The following ZFPM2 variants were observed in gnomAD, a reference collection of about 807,000 sequenced individuals.
The protein encoded by ZFPM2 is zinc finger protein, FOG family member 2, also known as zinc finger protein ZFPM2.
ZFPM2 carries 20 observed loss-of-function variants against 98.6 expected under a neutral mutation model. That is an observed-to-expected ratio of 0.20 (90% CI 0.14 to 0.29). The LOEUF (loss-of-function observed/expected upper bound fraction) is 0.29, where lower values mean the gene tolerates loss of function less well. ZFPM2 is among the 10% of genes least tolerant of loss of function. The probability of loss-of-function intolerance (pLI) is 1.00; values close to 1 mark genes in which losing one functional copy is unlikely to be tolerated. For missense variants in ZFPM2, 1,310 were observed against 1,388.6 expected (o/e 0.94, Z 0.90); for synonymous variants, 518 against 502.7 (o/e 1.03, Z -0.41).
At chr8:105,422,725 G>T (rs945433228) in intron 2 of ZFPM2, among the ~76,000 whole-genome samples, 3 of 152,054 alleles carry the variant, frequency 2.0e-5, no homozygotes, top group African/African-American at 2.4e-5. Flanking sequence ...TGGCTAGAAG[G>T]TCTAAGTTCT....
intron 2 of ZFPM2, among the ~76,000 whole-genome samples, chr8:105,441,722 A>G (rs1812255565): frequency 6.6e-6 from 1 of 152,072 alleles, no homozygotes; most frequent in South Asian, 2.1e-4. Flanking sequence ...ACATGTATGT[A>G]GGGGTGATAT....
chr8:105,509,211 GT>G (rs927503621), intron 3 of ZFPM2, among the ~76,000 whole-genome samples: 6 of 152,210 alleles, frequency 3.9e-5, no homozygotes, highest in African/African-American at 1.4e-4. Context: ...CAGGAAAACA[GT>G]AGTTTGCATT....
intron 5 of ZFPM2, among the ~76,000 whole-genome samples, chr8:105,683,470 CTA>C (rs1810659234): frequency 6.6e-6 from 1 of 152,124 alleles, no homozygotes; most frequent in African/African-American, 2.4e-5. Context: ...CAATGGATGA[CTA>C]CAAGCCTATT....
At chr8:105,568,855 A>T (rs180795244) in intron 4 of ZFPM2, among the ~76,000 whole-genome samples, 1 of 151,838 alleles carries the variant, frequency 6.6e-6, no homozygotes. Context: ...CCCAGTTCTG[A>T]CCCCTTTTCC....
At chr8:105,389,201 A>T (rs1376793218) in intron 1 of ZFPM2, among the ~76,000 whole-genome samples, 1 of 152,170 alleles carries the variant, frequency 6.6e-6, no homozygotes, top group Non-Finnish European at 1.5e-5. Context: ...GGACACTCAG[A>T]CATGTCTAGT....
intron 5 of ZFPM2, among the ~76,000 whole-genome samples, chr8:105,685,214 T>C (rs1260587752): frequency 6.6e-6 from 1 of 152,116 alleles, no homozygotes; most frequent in Non-Finnish European, 1.5e-5. Flanking sequence ...ATTTGACATG[T>C]GGTCAATCAG....
intron 5 of ZFPM2, among the ~76,000 whole-genome samples, chr8:105,689,656 G>C (rs889883631): frequency 1.1e-4 from 16 of 152,192 alleles, no homozygotes; most frequent in African/African-American, 3.6e-4. Flanking sequence ...ATGTTGGATG[G>C]TGATGCAGTG....
At position 105,801,135 on chromosome 8, in the gene ZFPM2, C is replaced by T. The variant is rs929954130; in HGVS notation, c.1053C>T (p.His351=). 6.2e-7 allele frequency: 1 copy of T among 1,613,834 alleles called. No individual in the cohort carries two copies. Among genetic ancestry groups the T allele is most frequent in the Non-Finnish European group, 8.5e-7 (1 of 1,179,864 alleles). The change falls in exon 8 of 8, where the codon CAC becomes CAT. Residue 351 remains histidine, a synonymous_variant. Transcript: ENST00000407775. ...SYTADSVINF[H]QHLFSHLTQA... ...CTGCTGATTCCGTGATCAACTTTCA[C>T]CAACACCTGTTCTCCCATCTCACTC...
chr8:105,610,722 G>T (rs547940879), intron 4 of ZFPM2, among the ~76,000 whole-genome samples: 7 of 152,018 alleles, frequency 4.6e-5, no homozygotes, highest in Admixed American at 4.6e-4. Context: ...ACACTAAAAC[G>T]TTGAAGTCCG....
At chr8:105,407,698 C>A (rs905727989) in intron 1 of ZFPM2, among the ~76,000 whole-genome samples, 4 of 151,850 alleles carry the variant, frequency 2.6e-5, no homozygotes, top group African/African-American at 9.7e-5. Flanking sequence ...CTGATGAGAA[C>A]CTTTCTGGGT....
intron 1 of ZFPM2, among the ~76,000 whole-genome samples, chr8:105,327,671 G>T (rs1322276487): frequency 6.6e-6 from 1 of 151,598 alleles, no homozygotes; most frequent in East Asian, 1.9e-4. Flanking sequence ...TTTTCCCTTT[G>T]CATGCTACAT....
intron 1 of ZFPM2, among the ~76,000 whole-genome samples, chr8:105,405,784 G>A (rs949111301): frequency 1.3e-5 from 2 of 151,914 alleles, no homozygotes; most frequent in East Asian, 1.9e-4. Flanking sequence ...TAATCCTTTG[G>A]GTATATACCC....
chr8:105,674,739 G>A (rs1817657364), intron 5 of ZFPM2, among the ~76,000 whole-genome samples: 1 of 152,120 alleles, frequency 6.6e-6, no homozygotes, highest in African/African-American at 2.4e-5. Flanking sequence ...AGTTTGTCAA[G>A]AAGAGGATAT....
chr8:105,567,909 C>T (rs11995947), intron 4 of ZFPM2, among the ~76,000 whole-genome samples: 9,807 of 152,058 alleles, frequency 0.064, 619 homozygotes, highest in African/African-American at 0.16. Flanking sequence ...TTTTGTTGAG[C>T]CTCAGATTTC....
At chr8:105,729,795 A>G (rs879924501) in intron 5 of ZFPM2, among the ~76,000 whole-genome samples, 2 of 151,570 alleles carry the variant, frequency 1.3e-5, no homozygotes, top group Non-Finnish European at 3.0e-5. Context: ...TCAAAGTACA[A>G]CTTGGGTTTC....
chr8:105,385,869 T>C (rs1810978533), intron 1 of ZFPM2, among the ~76,000 whole-genome samples: 1 of 152,076 alleles, frequency 6.6e-6, no homozygotes. Flanking sequence ...TGTTGGCACA[T>C]AGGGAAGAAT....
chr8:105,353,947 A>G (rs1184203106), intron 1 of ZFPM2, among the ~76,000 whole-genome samples: 6 of 152,222 alleles, frequency 3.9e-5, no homozygotes, highest in Admixed American at 3.9e-4. Flanking sequence ...CAGGTATCAT[A>G]AAGAGTTGGA....
intron 3 of ZFPM2, among the ~76,000 whole-genome samples, chr8:105,488,129 A>C (rs1381460600): frequency 6.6e-6 from 1 of 152,150 alleles, no homozygotes; most frequent in African/African-American, 2.4e-5. Flanking sequence ...CATCATAATC[A>C]ATCGAAGTTC....
At chr8:105,706,265 A>G (rs1343282455) in intron 5 of ZFPM2, among the ~76,000 whole-genome samples, 1 of 152,220 alleles carries the variant, frequency 6.6e-6, no homozygotes, top group African/African-American at 2.4e-5. Flanking sequence ...TAAGTCCCTG[A>G]ACAAGGGTGA....
Sources: gnomAD v4.1 joint callset for allele counts (sites outside exome capture counted in the v4.1 genomes callset) on GRCh38, gnomAD v4.1.1 for gene constraint, MANE v1.5 for transcripts, NCBI Gene and HGNC (gene_info 2026-07-23, HGNC 2026-07-21) for gene names.